The following CFAP53 variants were observed in gnomAD, a reference collection of about 807,000 sequenced individuals.
CFAP53 encodes cilia and flagella associated protein 53.
A neutral mutation model predicts 59.7 loss-of-function variants in CFAP53; 62 were observed. That is an observed-to-expected ratio of 1.04 (90% CI 0.85 to 1.28). CFAP53 has a LOEUF of 1.28. CFAP53 is among the 50% of genes most tolerant of loss of function. CFAP53 has a pLI of 0.00. For missense variants in CFAP53, 629 were observed against 615.6 expected, an observed-to-expected ratio of 1.02 and a Z score of -0.23; for synonymous variants, 218 against 205.7, an observed-to-expected ratio of 1.06 and a Z score of -0.51.
In CFAP53 at chr18:50,261,252, C is replaced by CAAAA. The variant is rs71169499; in HGVS notation, c.300-19_300-16dup. 5 of 1,215,678 alleles carry CAAAA rather than the reference C, an allele frequency of 4.1e-6. No homozygotes were observed. The African/African-American group carries it at 5.7e-5, about 14-fold the overall frequency. 75.3% of individuals were successfully genotyped at this position (1,215,678 alleles called of 1,614,324 possible). On this transcript the variant is annotated splice_polypyrimidine_tract_variant and intron_variant, in intron 2 of 7. Coordinates refer to ENST00000398545, the MANE Select transcript of CFAP53 (RefSeq NM_145020.5). ...GCTCACGTAGCCTGAAACAAAAAGC[C>CAAAA]AAAAAAAAAAAAAAAAAAAGAAAAC...
chr18:50,232,023 G>A (rs2033588465), intron 7 of CFAP53, among the ~76,000 whole-genome samples: 1 of 152,172 alleles, frequency 6.6e-6, no homozygotes, highest in Non-Finnish European at 1.5e-5. Flanking sequence ...AGTGGCCGAG[G>A]GGACTTTCTT....
rs113359432 is a variant in CFAP53 at position 50,233,690 on chromosome 18, C to G, written c.1316+4913G>C. Among the ~76,000 whole-genome samples, 960 of 152,300 alleles carry G rather than the reference C, an allele frequency of 6.3e-3. 7 individuals are homozygous for G. The highest frequency in any genetic ancestry group is 0.022 in the African/African-American group (906 of 41,566). On this transcript the variant is annotated intron_variant, in intron 7 of 7. Transcript: ENST00000398545. ...ACGGCTATTGCCTCCATGGCTGGAG[C>G]CAGGCACTTACTCCTCCCAGTAATA...
chr18:50,238,225 T>C lies in CFAP53; in HGVS notation c.1316+378A>G, dbSNP rs139242434. Among the ~76,000 whole-genome samples the C allele has an allele frequency of 4.0e-3, 611 of 152,346 alleles. 1 individual carries two copies. Among genetic ancestry groups the C allele is most frequent in the African/African-American group, 0.014 (569 of 41,590 alleles). On this transcript the variant is annotated intron_variant, in intron 7 of 7. Transcript: ENST00000398545. Reference sequence around the variant, plus strand: ...AATAATGTCAATAATGCATGAATTATGGCACATGGTCTTTATGTTGAAAAT... The same window carrying C: ...AATAATGTCAATAATGCATGAATTACGGCACATGGTCTTTATGTTGAAAAT...
chr18:50,262,647 C>A (rs2033905430), intron 1 of CFAP53, among the ~76,000 whole-genome samples: 1 of 152,144 alleles, frequency 6.6e-6, no homozygotes, highest in Admixed American at 6.5e-5. Flanking sequence ...CACGGTTGGA[C>A]ACCATAGTTA....
At position 50,245,858 on chromosome 18, in the gene CFAP53, C is replaced by CT. The variant is rs370680772; in HGVS notation, c.997-2743dup. Among the ~76,000 whole-genome samples the CT allele has an allele frequency of 5.1e-3, 768 of 149,320 alleles. 5 individuals carry two copies. The highest frequency in any genetic ancestry group is 0.017 in the African/African-American group (696 of 40,836). ...TTGAGGATTTACATTTTCTCTCTCT[C>CT]TTTTTTTTTTGAGATGAAGTTTCAC... On this transcript the variant is annotated intron_variant, in intron 5 of 7. Transcript: ENST00000398545.
chr18:50,239,489 T>C (rs2033668370), intron 6 of CFAP53, among the ~76,000 whole-genome samples: 1 of 152,248 alleles, frequency 6.6e-6, no homozygotes, highest in Admixed American at 6.5e-5. Flanking sequence ...GAAATGTATA[T>C]ATCTTTGGTA....
At chr18:50,240,987 T>A (rs2033684972) in intron 6 of CFAP53, among the ~76,000 whole-genome samples, 1 of 152,194 alleles carries the variant, frequency 6.6e-6, no homozygotes, top group Non-Finnish European at 1.5e-5. Flanking sequence ...GGGAACATAG[T>A]GGCATACTGT....
chr18:50,233,662 A>G (rs955149253), intron 7 of CFAP53, among the ~76,000 whole-genome samples: 4 of 152,218 alleles, frequency 2.6e-5, no homozygotes, highest in Non-Finnish European at 4.4e-5. Flanking sequence ...TTTTTATTCT[A>G]TCACGGCTAT....
At chr18:50,244,134 T>C (rs1434494726) in intron 5 of CFAP53, among the ~76,000 whole-genome samples, 3 of 152,164 alleles carry the variant, frequency 2.0e-5, no homozygotes, top group African/African-American at 7.2e-5. Flanking sequence ...AACTATCCAA[T>C]AGCAATGAGT....
rs750118829 is a variant in CFAP53, at chr18:50,242,576, A to T, written c.1213+324T>A. ...ATGGAGATAACTTTCGAAAGAAAAG[A>T]GGGACAGATACAAAGGACAAGGGGG... is the stretch of plus-strand genomic sequence containing the variant. On this transcript the variant is annotated intron_variant, in intron 6 of 7. Coordinates refer to ENST00000398545, the MANE Select transcript of CFAP53 (RefSeq NM_145020.5). Among the ~76,000 whole-genome samples the T allele has an allele frequency of 3.9e-5, 6 of 152,344 alleles. No individual in the cohort carries two copies. The Middle Eastern group carries it at 0.014, about 345-fold the overall frequency.
chr18:50,231,760 C>T lies in CFAP53; in HGVS notation c.1317-4151G>A, dbSNP rs143625331. Among the ~76,000 whole-genome samples, 399 of 152,300 alleles carry T rather than the reference C, an allele frequency of 2.6e-3. 1 individual carries two copies. The highest frequency in any genetic ancestry group is 9.0e-3 in the African/African-American group (375 of 41,562). Reference sequence around the variant, plus strand: ...AAGTCCCTAATCCCTACGTGTGATGCGACTGGCAGCAGAAGCTCATTCAGA... The same window carrying T: ...AAGTCCCTAATCCCTACGTGTGATGTGACTGGCAGCAGAAGCTCATTCAGA... On this transcript the variant is annotated intron_variant, in intron 7 of 7. Transcript: ENST00000398545.
At chr18:50,229,983 C>G (rs1435222858) in intron 7 of CFAP53, among the ~76,000 whole-genome samples, 1 of 152,054 alleles carries the variant, frequency 6.6e-6, no homozygotes, top group Non-Finnish European at 1.5e-5. Flanking sequence ...GTCTCAAACT[C>G]CTGGGTTCAA....
intron 1 of CFAP53, 140 bp from the exon 2 acceptor site, chr18:50,262,359 A>G: frequency 1.5e-6 from 1 of 646,366 alleles, no homozygotes; most frequent in Non-Finnish European, 2.7e-6. Flanking sequence ...AACTGAATAC[A>G]GCTTATGCAC....
chr18:50,249,698 T>C (rs1197540435), intron 5 of CFAP53, among the ~76,000 whole-genome samples: 1 of 151,784 alleles, frequency 6.6e-6, no homozygotes, highest in East Asian at 1.9e-4. Flanking sequence ...AAGAACAGGG[T>C]TAAGAAGGGG....
intron 6 of CFAP53, among the ~76,000 whole-genome samples, chr18:50,241,421 G>A (rs1599118545): frequency 1.3e-5 from 2 of 152,244 alleles, no homozygotes; most frequent in East Asian, 1.9e-4. Flanking sequence ...CAATTGAGCT[G>A]GCATTGAAAG....
At position 50,261,218 on chromosome 18, in the gene CFAP53, A is replaced by T. The variant is rs1400432816; in HGVS notation, c.319T>A (p.Leu107Ile). 6.4e-7 allele frequency: 1 copy of T among 1,553,508 alleles called. No individual in the cohort carries two copies. The highest frequency in any genetic ancestry group is 8.6e-7 in the Non-Finnish European group (1 of 1,162,370). ...RRNKLRELLA[L>I]EENEYFTEMQ... is the part of the protein sequence containing the mutation. ...TCTGTAAAATACTCATTTTCTTCTA[A>T]TGCTAAAAGCTCACGTAGCCTGAAA... Residue 107 changes from leucine to isoleucine, a missense_variant, in exon 3 of 8, where the codon TTA becomes ATA. By Grantham distance (5) the Leu-to-Ile change is conservative. Coordinates refer to ENST00000398545, the MANE Select transcript of CFAP53 (RefSeq NM_145020.5).
intron 6 of CFAP53, among the ~76,000 whole-genome samples, chr18:50,242,057 A>C (rs2033695192): frequency 6.6e-6 from 1 of 152,210 alleles, no homozygotes; most frequent in South Asian, 2.1e-4. Flanking sequence ...CTGGGAAAAG[A>C]ATTCAGCAAT....
At chr18:50,239,514 A>G (rs1428620410) in intron 6 of CFAP53, among the ~76,000 whole-genome samples, 1 of 152,246 alleles carries the variant, frequency 6.6e-6, no homozygotes, top group Admixed American at 6.5e-5. Context: ...AGTCTATTTC[A>G]GAAATTCATC....
intron 1 of CFAP53, among the ~76,000 whole-genome samples, chr18:50,262,963 A>G (rs2033909433): frequency 6.6e-6 from 1 of 152,210 alleles, no homozygotes. Flanking sequence ...CTATAAATGT[A>G]CTGTTTTTAC....
Sources: allele counts gnomAD v4.1 joint callset (sites outside exome capture counted in the v4.1 genomes callset), GRCh38; gene constraint gnomAD v4.1.1; transcripts MANE v1.5; gene names NCBI Gene and HGNC (gene_info 2026-07-23, HGNC 2026-07-21).